ZNF28: variants seen among roughly 807,000 people sequenced by gnomAD.
The protein encoded by ZNF28 is zinc finger protein KOX24.
ZNF28 carries 5 observed loss-of-function variants against 7.2 expected under a neutral mutation model. That is an observed-to-expected ratio of 0.70 (90% CI 0.36 to 1.46). ZNF28 has a LOEUF of 1.46. Ranked by LOEUF, ZNF28 falls within the 40% of genes most tolerant of loss-of-function variation. The probability of loss-of-function intolerance (pLI) is 0.03; values close to 1 mark genes in which losing one functional copy is unlikely to be tolerated. For synonymous variants in ZNF28, 288 were observed against 292.4 expected, an observed-to-expected ratio of 0.99 and a Z score of 0.15; for missense variants, 879 against 866.6, an observed-to-expected ratio of 1.01 and a Z score of -0.18.
rs73067587 is a variant in ZNF28 at position 52,817,367 on chromosome 19, C to G, written c.15+577G>C. On this transcript the variant is annotated intron_variant, in intron 2 of 3. Coordinates refer to ENST00000457749, the MANE Select transcript of ZNF28 (RefSeq NM_006969.5). ...AGCCTGGATAACAAGAGTGAAACTC[C>G]GCTTCAAAAAAAATAATAATAATGA... is the stretch of plus-strand genomic sequence containing the variant. 4.0e-5 allele frequency among the ~76,000 whole-genome samples: 6 copies of G among 151,654 alleles called. No individual in the cohort carries two copies. The South Asian group carries it at 8.3e-4, about 21-fold the overall frequency.
At chr19:52,808,551 C>T (rs540890382) in intron 2 of ZNF28, among the ~76,000 whole-genome samples, 23 of 151,546 alleles carry the variant, frequency 1.5e-4, no homozygotes, top group South Asian at 1.5e-3. Context: ...GCAGAATTGC[C>T]TGATCCTGGG....
Position 52,809,412 on chromosome 19 carries a change from A to ATGAAATATCGAAC in ZNF28, c.16-1292_16-1280dup, listed in dbSNP as rs571943978. 3.9e-3 allele frequency among the ~76,000 whole-genome samples: 590 copies of ATGAAATATCGAAC among 152,342 alleles called. 5 individuals carry two copies. Among genetic ancestry groups the ATGAAATATCGAAC allele is most frequent in the African/African-American group, 0.014 (573 of 41,576 alleles). Reference sequence around the variant, plus strand: ...AACATGTAAATTCACAACTAGCAGGATGAAATATCGAACTAAAATATTTAC... The same window carrying ATGAAATATCGAAC: ...AACATGTAAATTCACAACTAGCAGGATGAAATATCGAACTGAAATATCGAACTAAAATATTTAC... On this transcript the variant is annotated intron_variant, in intron 2 of 3. Coordinates refer to ENST00000457749, the MANE Select transcript of ZNF28 (RefSeq NM_006969.5).
intron 2 of ZNF28, among the ~76,000 whole-genome samples, chr19:52,811,206 C>T (rs1445121479): frequency 6.6e-6 from 1 of 151,012 alleles, no homozygotes; most frequent in Non-Finnish European, 1.5e-5. Context: ...CAATGGTGCC[C>T]AGGCTGGAGT....
intron 2 of ZNF28, chr19:52,809,941 C>T (rs1351175573): frequency 1.2e-6 from 1 of 854,586 alleles, no homozygotes; most frequent in African/African-American, 1.7e-5. Context: ...GGGGAGGTTG[C>T]CCCGGGGGGC....
At chr19:52,813,742 C>T (rs189421648) in intron 2 of ZNF28, among the ~76,000 whole-genome samples, 2 of 146,252 alleles carry the variant, frequency 1.4e-5, no homozygotes, top group East Asian at 2.0e-4. Flanking sequence ...AGAAGATCTC[C>T]GTTCCGCTCC....
chr19:52,806,450 T>G (rs890691888), intron 3 of ZNF28, among the ~76,000 whole-genome samples: 1 of 152,018 alleles, frequency 6.6e-6, no homozygotes, highest in Non-Finnish European at 1.5e-5. Context: ...CATCTCAGCC[T>G]CTCAAAGTGC....
rs568537493 is a variant in ZNF28, at chr19:52,800,774, A to T, written c.1071T>A (p.Cys357Ter). The T allele has an allele frequency of 3.1e-6, 5 of 1,614,116 alleles. No individual in the cohort carries two copies. The South Asian group carries it at 4.4e-5, about 14-fold the overall frequency. ...GATTAAAAACCTTGCCACATTCATT[A>T]CACTTGTAAGGTTTCTCTCCAGTGT... Reference protein sequence around the residue: ...IIHTGEKPYKCNECGKVFNRL... With the variant: ...IIHTGEKPYK The change falls in exon 4 of 4, where the codon TGT (cysteine) becomes TGA (stop). Residue 357 changes from cysteine to a stop codon, truncating the protein, a stop_gained. Transcript: ENST00000457749. LOFTEE classifies it low-confidence loss of function (END_TRUNC).
chr19:52,798,844 A>T lies in ZNF28; in HGVS notation c.*844T>A, dbSNP rs1047866221. ...TACTGAAAACTTTGTGACAATCATT[A>T]TATTAGTCAAGTTTCCCTATACTAT... is the stretch of plus-strand genomic sequence containing the variant. On this transcript the variant is annotated 3_prime_UTR_variant, in exon 4 of 4. Coordinates refer to ENST00000457749, the MANE Select transcript of ZNF28 (RefSeq NM_006969.5). 8.6e-7 allele frequency: 1 copy of T among 1,157,576 alleles called. No individual in the cohort carries two copies. The highest frequency in any genetic ancestry group is 1.6e-5 in the African/African-American group (1 of 64,438). 71.7% of individuals were successfully genotyped at this position (1,157,576 alleles called of 1,614,324 possible).
In ZNF28 at chr19:52,800,080, G is replaced by T; in HGVS notation, c.1765C>A (p.Arg589=). Residue 589 remains arginine, a synonymous_variant, in exon 4 of 4, where the codon CGG becomes AGG. Coordinates refer to ENST00000457749, the MANE Select transcript of ZNF28 (RefSeq NM_006969.5). ...TGTTGTGCCAGGTGTGAATCCCTCC[G>T]GAAAGCCTTGTCACAAACCTTACAT... is the stretch of plus-strand genomic sequence containing the variant. ...YKCKVCDKAF[R]RDSHLAQHQR... is the part of the protein sequence containing the mutation. The T allele has an allele frequency of 6.2e-7, 1 of 1,613,852 alleles. No individual in the cohort carries two copies. Among genetic ancestry groups the T allele is most frequent in the Non-Finnish European group, 8.5e-7 (1 of 1,179,932 alleles).
At chr19:52,818,570 G>A (rs569468573) in intron 1 of ZNF28, among the ~76,000 whole-genome samples, 6 of 152,132 alleles carry the variant, frequency 3.9e-5, no homozygotes, top group Admixed American at 3.3e-4. Flanking sequence ...AAAAGTAGCC[G>A]GGCTTGATGC....
rs370146208 is a variant in ZNF28, at chr19:52,800,593, T to G, written c.1252A>C (p.Lys418Gln). The change falls in exon 4 of 4, where the codon AAG becomes CAG. Residue 418 changes from lysine (K) to glutamine (Q), a missense_variant. Physicochemically the swap from Lys to Gln is moderately conservative, Grantham distance 53 (BLOSUM62 1). Coordinates refer to ENST00000457749, the MANE Select transcript of ZNF28 (RefSeq NM_006969.5). ...AGGTATGAATTATATGCAAAAGCCTTGTCACAAACCTTACATTTGTATGGT... is the reference window on the plus strand; with the variant it reads ...AGGTATGAATTATATGCAAAAGCCTGGTCACAAACCTTACATTTGTATGGT... Reference protein sequence around the residue: ...EKPYKCKVCDKAFAYNSYLAK... With the variant: ...EKPYKCKVCDQAFAYNSYLAK... The G allele has an allele frequency of 8.7e-6, 14 of 1,613,896 alleles. No individual in the cohort carries two copies. In the South Asian group the frequency reaches 1.5e-4, roughly 18 times the overall value.
chr19:52,804,388 C>T (rs1203191330), intron 3 of ZNF28, among the ~76,000 whole-genome samples: 1 of 152,180 alleles, frequency 6.6e-6, no homozygotes, highest in African/African-American at 2.4e-5. Context: ...ATTCTCCCTC[C>T]TCAGCCCAGT....
chr19:52,808,531 G>A (rs1335657568), intron 2 of ZNF28, among the ~76,000 whole-genome samples: 1 of 151,978 alleles, frequency 6.6e-6, no homozygotes, highest in Non-Finnish European at 1.5e-5. Flanking sequence ...CAGCTACGCA[G>A]GAGGCTGAGG....
intron 3 of ZNF28, among the ~76,000 whole-genome samples, chr19:52,804,376 T>C (rs900248124): frequency 2.0e-5 from 3 of 152,104 alleles, no homozygotes; most frequent in Admixed American, 2.0e-4. Context: ...CTACCTCAAG[T>C]GATTCTCCCT....
At position 52,808,051 on chromosome 19, in the gene ZNF28, TAA is replaced by T; in HGVS notation, c.96_97del (p.Tyr33GlnfsTer9). 3.7e-6 allele frequency: 6 copies of T among 1,613,578 alleles called. No homozygotes were observed. Among genetic ancestry groups the T allele is most frequent in the Admixed American group, 1.7e-5 (1 of 59,986 alleles). ...ATAATTCTCCAGCATCACATCCCTGTAAAGAGTCCTCTGAGCAGGGTCCAGGC... is the reference window on the plus strand; with the variant it reads ...ATAATTCTCCAGCATCACATCCCTGTAGAGTCCTCTGAGCAGGGTCCAGGC... On this transcript the variant is annotated frameshift_variant, in exon 3 of 4. Coordinates refer to ENST00000457749, the MANE Select transcript of ZNF28 (RefSeq NM_006969.5). LOFTEE classifies it low-confidence loss of function (END_TRUNC).
rs1169750891 is a variant in ZNF28, at chr19:52,797,856, C to CT, written c.*1831dup. 6.6e-6 allele frequency: 1 copy of CT among 152,130 alleles called. No individual in the cohort carries two copies. The highest frequency in any genetic ancestry group is 2.4e-5 in the African/African-American group (1 of 41,444). 9.4% of individuals were successfully genotyped at this position (152,130 alleles called of 1,614,324 possible). A position where few individuals can be genotyped will look rare whatever the true frequency, so the allele number is the denominator to read the frequency against. ...ACAAAAAACAGGCCAGTCACGGTGG[C>CT]TCACGCCCATAATCTCAGCACTTCG... is the stretch of plus-strand genomic sequence containing the variant. On this transcript the variant is annotated 3_prime_UTR_variant, in exon 4 of 4. Coordinates refer to ENST00000457749, the MANE Select transcript of ZNF28 (RefSeq NM_006969.5).
chr19:52,802,852 C>T (rs1166674022), intron 3 of ZNF28, among the ~76,000 whole-genome samples: 1 of 150,436 alleles, frequency 6.6e-6, no homozygotes, highest in Non-Finnish European at 1.5e-5. Flanking sequence ...GCTCCACCTC[C>T]CGGGTTCACG....
chr19:52,801,944 T>C (rs370407765), intron 3 of ZNF28, among the ~76,000 whole-genome samples: 6 of 152,294 alleles, frequency 3.9e-5, no homozygotes, highest in South Asian at 2.1e-4. Flanking sequence ...GGCACAAACA[T>C]GTGTGAGCCT....
chr19:52,807,724 C>T (rs916846816), intron 3 of ZNF28, among the ~76,000 whole-genome samples: 7 of 152,226 alleles, frequency 4.6e-5, no homozygotes, highest in Non-Finnish European at 5.9e-5. Flanking sequence ...ATCCACACGC[C>T]TTGGCCTCCC....
Sources: gnomAD v4.1 joint callset for allele counts (sites outside exome capture counted in the v4.1 genomes callset) on GRCh38, gnomAD v4.1.1 for gene constraint, MANE v1.5 for transcripts, NCBI Gene and HGNC (gene_info 2026-07-23, HGNC 2026-07-21) for gene names.